The following MDGA2 variants were observed in gnomAD, a reference collection of about 807,000 sequenced individuals.
MDGA2 encodes the protein MAM domain containing glycosylphosphatidylinositol anchor 2, also known as MAM domain-containing glycosylphosphatidylinositol anchor protein 2.
In MDGA2, 40 loss-of-function variants were observed where a neutral mutation model predicts 117.8. The ratio of observed to expected loss-of-function variants is 0.34; its 90% CI spans 0.26 to 0.44. The LOEUF is 0.44. Ranked by LOEUF, MDGA2 falls within the 20% of genes least tolerant of loss-of-function variation. The pLI is 1.00. For synonymous variants in MDGA2, 452 were observed against 439.0 expected (o/e 1.03, Z -0.37); for missense variants, 1,123 against 1,250.6 (o/e 0.90, Z 1.54).
chr14:47,160,802 G>A (rs1883603572), intron 3 of MDGA2, among the ~76,000 whole-genome samples: 1 of 152,070 alleles, frequency 6.6e-6, no homozygotes, highest in Non-Finnish European at 1.5e-5. Context: ...ATCTGACCTG[G>A]TGCCATCAAC....
At chr14:46,995,836 A>G (rs969557664) in intron 8 of MDGA2, among the ~76,000 whole-genome samples, 3 of 152,006 alleles carry the variant, frequency 2.0e-5, no homozygotes, top group Non-Finnish European at 4.4e-5. Context: ...CAGGATAAAA[A>G]TATTTAGAAT....
At chr14:46,869,745 A>G (rs1369021678) in intron 14 of MDGA2, among the ~76,000 whole-genome samples, 1 of 151,846 alleles carries the variant, frequency 6.6e-6, no homozygotes, top group Admixed American at 6.6e-5. Flanking sequence ...GTTATGAAAA[A>G]TCCTGGGCAT....
At chr14:47,301,235 C>T (rs980598117) in intron 2 of MDGA2, among the ~76,000 whole-genome samples, 176 bp downstream of exon 2, 1 of 152,032 alleles carries the variant, frequency 6.6e-6, no homozygotes, top group Non-Finnish European at 1.5e-5. Context: ...AATCCACACT[C>T]TTGTCCTGCG....
intron 1 of MDGA2, among the ~76,000 whole-genome samples, chr14:47,553,027 C>T (rs546663861): frequency 9.2e-5 from 14 of 152,338 alleles, no homozygotes; most frequent in Admixed American, 9.1e-4. Context: ...GCAGCCCTAA[C>T]CTAAGGCAGG....
At chr14:47,099,385 G>A (rs1880167807) in intron 5 of MDGA2, among the ~76,000 whole-genome samples, 1 of 151,762 alleles carries the variant, frequency 6.6e-6, no homozygotes, top group Non-Finnish European at 1.5e-5. Flanking sequence ...AACTGATATA[G>A]GAAAAACATA....
intron 6 of MDGA2, among the ~76,000 whole-genome samples, chr14:47,065,428 T>A (rs777043284): frequency 1.3e-5 from 2 of 152,122 alleles, no homozygotes; most frequent in African/African-American, 2.4e-5. Context: ...AGTCCATGCC[T>A]GTGAATGTGA....
intron 3 of MDGA2, among the ~76,000 whole-genome samples, chr14:47,197,201 T>G (rs1319752656): frequency 2.0e-5 from 3 of 152,102 alleles, no homozygotes; most frequent in African/African-American, 7.2e-5. Context: ...TGACTGAATG[T>G]TTATGTTCCC....
chr14:47,199,888 T>C (rs1885426222), intron 3 of MDGA2, among the ~76,000 whole-genome samples: 1 of 152,122 alleles, frequency 6.6e-6, no homozygotes, highest in Non-Finnish European at 1.5e-5. Context: ...GGCTGACCAA[T>C]AGTAAAAAGC....
chr14:47,628,026 G>A (rs144358092), intron 1 of MDGA2, among the ~76,000 whole-genome samples: 2 of 152,188 alleles, frequency 1.3e-5, no homozygotes, highest in African/African-American at 4.8e-5. Context: ...CACCAATTCC[G>A]GACACAGTAC....
intron 1 of MDGA2, among the ~76,000 whole-genome samples, chr14:47,621,460 G>A (rs1897048770): frequency 6.6e-6 from 1 of 152,096 alleles, no homozygotes; most frequent in African/African-American, 2.4e-5. Context: ...GAGTAGCTAG[G>A]ACTACAAGAG....
chr14:47,306,601 G>A (rs56808096), intron 1 of MDGA2, among the ~76,000 whole-genome samples: 42 of 152,228 alleles, frequency 2.8e-4, no homozygotes, highest in African/African-American at 9.1e-4. Flanking sequence ...GCTATTCTCT[G>A]GGAATTCAAG....
chr14:47,191,255 C>T (rs974877249), intron 3 of MDGA2, among the ~76,000 whole-genome samples: 4 of 151,610 alleles, frequency 2.6e-5, no homozygotes, highest in African/African-American at 9.7e-5. Context: ...AGAAACCTAC[C>T]ATAATGTTCT....
chr14:47,109,584 A>G (rs901497674), intron 5 of MDGA2, among the ~76,000 whole-genome samples: 3 of 152,212 alleles, frequency 2.0e-5, no homozygotes, highest in African/African-American at 7.2e-5. Flanking sequence ...TGAATAAAAG[A>G]AAGTTGAATT....
intron 1 of MDGA2, among the ~76,000 whole-genome samples, chr14:47,396,075 G>T (rs1246693610): frequency 6.6e-6 from 1 of 152,146 alleles, no homozygotes; most frequent in African/African-American, 2.4e-5. Flanking sequence ...TGCACTAATA[G>T]TCATGAGGCA....
At chr14:46,869,794 A>G (rs893677397) in intron 14 of MDGA2, among the ~76,000 whole-genome samples, 1 of 151,972 alleles carries the variant, frequency 6.6e-6, no homozygotes, top group Non-Finnish European at 1.5e-5. Flanking sequence ...CTTGCTTTGA[A>G]GAAAGCCTGC....
intron 1 of MDGA2, among the ~76,000 whole-genome samples, chr14:47,591,192 G>A (rs543651671): frequency 3.3e-5 from 5 of 152,158 alleles, no homozygotes; most frequent in Non-Finnish European, 5.9e-5. Context: ...AACCGCTAAT[G>A]TCTGATGTGA....
chr14:47,308,362 T>C (rs1889523843), intron 1 of MDGA2, among the ~76,000 whole-genome samples: 1 of 152,118 alleles, frequency 6.6e-6, no homozygotes, highest in African/African-American at 2.4e-5. Flanking sequence ...AAACAACAAC[T>C]CATCATGTTT....
intron 1 of MDGA2, among the ~76,000 whole-genome samples, chr14:47,578,150 C>T (rs1275202867): frequency 6.6e-6 from 1 of 152,058 alleles, no homozygotes; most frequent in Non-Finnish European, 1.5e-5. Context: ...TCATTATCCT[C>T]CACAAACTAA....
At chr14:47,505,463 CATAA>C (rs1243838348) in intron 1 of MDGA2, among the ~76,000 whole-genome samples, 1 of 152,056 alleles carries the variant, frequency 6.6e-6, no homozygotes, top group Admixed American at 6.6e-5. Context: ...AAATTATACT[CATAA>C]ATAAGTACAA....
Sources: allele counts gnomAD v4.1 joint callset (sites outside exome capture counted in the v4.1 genomes callset), GRCh38; gene constraint gnomAD v4.1.1; transcripts MANE v1.5; gene names NCBI Gene and HGNC (gene_info 2026-07-23, HGNC 2026-07-21).